UNC79: variants seen among roughly 807,000 people sequenced by gnomAD.
UNC79 encodes the protein protein unc-79 homolog.
A neutral mutation model predicts 283.1 loss-of-function variants in UNC79; 37 were observed. The observed-to-expected ratio is 0.13, with a 90% CI of 0.10 to 0.17. UNC79 has a LOEUF of 0.17. Among genes scored for constraint, UNC79 ranks in the 10% least tolerant of loss-of-function variants. The pLI is 1.00. For synonymous variants in UNC79, 1,107 were observed against 1,200.2 expected (o/e 0.92, Z 1.61); for missense variants, 2,272 against 3,211.1 (o/e 0.71, Z 7.07).
At chr14:93,699,624 T>C (rs1327889487) in intron 47 of UNC79, among the ~76,000 whole-genome samples, 1 of 152,186 alleles carries the variant, frequency 6.6e-6, no homozygotes, top group Non-Finnish European at 1.5e-5. Context: ...ATATTTTTAA[T>C]CACAGTCTGC....
At chr14:93,556,303 G>A (rs1332967847) in intron 14 of UNC79, among the ~76,000 whole-genome samples, 43 of 152,112 alleles carry the variant, frequency 2.8e-4, no homozygotes, top group Non-Finnish European at 2.9e-5. Context: ...GTATCACCCT[G>A]TGGTAATAGC....
intron 6 of UNC79, among the ~76,000 whole-genome samples, chr14:93,496,833 A>G (rs558879382): frequency 6.6e-6 from 1 of 152,290 alleles, no homozygotes; most frequent in Non-Finnish European, 1.5e-5. Context: ...GTTTTTTCAA[A>G]TATGGTATTT....
rs920315378 is a variant in UNC79 at position 93,474,672 on chromosome 14, G to A, written c.448+279G>A. Among the ~76,000 whole-genome samples, 2 of 152,148 alleles carry A rather than the reference G, an allele frequency of 1.3e-5. No individual in the cohort carries two copies. The highest frequency in any genetic ancestry group is 4.1e-4 in the South Asian group (2 of 4,826). ...AACAAGAAATTTTCTCTTCTTTCCT[G>A]ATCAGTTATCATGAGGACTCTTGTT... On this transcript the variant is annotated intron_variant, in intron 3 of 48. Transcript: ENST00000555664. This position sits in a 1 kb window ranked among gnomAD's most constrained non-coding sequence, Gnocchi z 4.1.
In UNC79 at chr14:93,491,558, T is replaced by A. The variant is rs576412175; in HGVS notation, c.712+3803T>A. Among the ~76,000 whole-genome samples the A allele has an allele frequency of 9.3e-4, 141 of 152,236 alleles. 1 individual carries two copies. In the Middle Eastern group the frequency reaches 0.031, roughly 33 times the overall value. On this transcript the variant is annotated intron_variant, in intron 5 of 48. Coordinates refer to ENST00000555664, the Ensembl canonical transcript of UNC79. ...TTGCCAGTTAGTGAACTTGAGCAAG[T>A]TTTTTACCCCCTGAAACCAAGTGTC... is the stretch of plus-strand genomic sequence containing the variant.
At chr14:93,654,877 C>T (rs372059845) in intron 37 of UNC79, among the ~76,000 whole-genome samples, 1 of 152,116 alleles carries the variant, frequency 6.6e-6, no homozygotes, top group Non-Finnish European at 1.5e-5. Flanking sequence ...GGGAGATGCT[C>T]ACTGCTAGAA....
intron 1 of UNC79, among the ~76,000 whole-genome samples, chr14:93,461,858 G>A (rs911071409): frequency 6.6e-6 from 1 of 151,912 alleles, no homozygotes; most frequent in Admixed American, 6.6e-5. Flanking sequence ...AATGAGGAAG[G>A]GACACTTAAA....
At chr14:93,578,422 A>T (rs909437465) in intron 18 of UNC79, among the ~76,000 whole-genome samples, 8 of 152,224 alleles carry the variant, frequency 5.3e-5, no homozygotes, top group Non-Finnish European at 1.0e-4. Flanking sequence ...ATTGATTTTT[A>T]AAATTAATTT....
chr14:93,499,766 G>A (rs1446225995), intron 7 of UNC79, among the ~76,000 whole-genome samples: 8 of 152,198 alleles, frequency 5.3e-5, no homozygotes, highest in Admixed American at 4.6e-4. Context: ...TAACCTCAAC[G>A]GGATGTGGGC....
intron 40 of UNC79, among the ~76,000 whole-genome samples, chr14:93,667,693 G>T (rs763366207): frequency 4.6e-5 from 7 of 152,128 alleles, no homozygotes; most frequent in Non-Finnish European, 7.4e-5. Context: ...CATGAGGCCA[G>T]TAGAATTTTG....
chr14:93,688,952 T>G lies in UNC79; in HGVS notation c.7085+112T>G. The G allele has an allele frequency of 8.5e-7, 1 of 1,175,732 alleles. No homozygotes were observed. The highest frequency in any genetic ancestry group is 1.2e-6 in the Non-Finnish European group (1 of 865,700). The allele number at this position is 1,175,732 out of a possible 1,614,324, so 72.8% of individuals were successfully genotyped here. On this transcript the variant is annotated intron_variant, in intron 44 of 48. Transcript: ENST00000555664. This position sits in a 1 kb window ranked among gnomAD's most constrained non-coding sequence, Gnocchi z 4.0. ...ACACCGAAGATTTATGACAGTGGAA[T>G]ATACTTGGTTAGGAAGATGGAAATC...
chr14:93,594,991 A>G (rs1248195118), intron 23 of UNC79, among the ~76,000 whole-genome samples: 2 of 151,968 alleles, frequency 1.3e-5, no homozygotes, highest in South Asian at 2.1e-4. Flanking sequence ...TAGTTAGTAT[A>G]TATATATGAC....
chr14:93,598,647 G>A (rs904627154), intron 24 of UNC79, among the ~76,000 whole-genome samples: 3 of 152,038 alleles, frequency 2.0e-5, no homozygotes, highest in Non-Finnish European at 2.9e-5. Flanking sequence ...TTAGTCTCCC[G>A]AATAGCTGGG....
intron 1 of UNC79, among the ~76,000 whole-genome samples, chr14:93,422,985 C>A (rs538455029): frequency 1.4e-5 from 2 of 145,276 alleles, no homozygotes; most frequent in South Asian, 4.3e-4. Flanking sequence ...ATGGCGTGCA[C>A]CTGGGAGGTG....
intron 27 of UNC79, among the ~76,000 whole-genome samples, 154 bp from the exon 29 acceptor site, chr14:93,616,968 C>T (rs746199234): frequency 2.5e-4 from 38 of 152,140 alleles, no homozygotes; most frequent in Non-Finnish European, 4.6e-4. Context: ...CTCCTTCTTG[C>T]GTACTAGCCA....
chr14:93,674,019 C>CA (rs1416525343), intron 41 of UNC79, among the ~76,000 whole-genome samples: 1 of 152,146 alleles, frequency 6.6e-6, no homozygotes, highest in Non-Finnish European at 1.5e-5. Flanking sequence ...GAACTGGCAA[C>CA]AATTATGCTT....
chr14:93,613,211 G>A (rs2066433188), intron 27 of UNC79, 128 bp downstream of exon 28: 1 of 1,200,514 alleles, frequency 8.3e-7, no homozygotes, highest in Non-Finnish European at 1.2e-6. Flanking sequence ...TTATGCAGGA[G>A]TATGTGGAGG....
At chr14:93,400,854 A>T (rs1293780225) in intron 1 of UNC79, among the ~76,000 whole-genome samples, 6 of 152,196 alleles carry the variant, frequency 3.9e-5, no homozygotes, top group Admixed American at 3.9e-4. Context: ...GAAAGAAAGA[A>T]ATGAATTCAG....
chr14:93,547,266 A>G (rs1269757456), intron 14 of UNC79, among the ~76,000 whole-genome samples: 3 of 152,244 alleles, frequency 2.0e-5, no homozygotes, highest in African/African-American at 7.2e-5. Context: ...TACAAATGTA[A>G]CCTAAGGACA....
intron 19 of UNC79, 103 bp downstream of exon 19, chr14:93,580,479 TG>T (rs1291206860): frequency 8.6e-7 from 1 of 1,167,092 alleles, no homozygotes; most frequent in Non-Finnish European, 1.2e-6. Context: ...TACTCCATGC[TG>T]GGTTATACGT....
Sources: gnomAD v4.1 joint callset for allele counts (sites outside exome capture counted in the v4.1 genomes callset) on GRCh38, gnomAD v4.1.1 for gene constraint, Gnocchi (gnomAD v3.1) non-coding constraint, MANE v1.5 for transcripts, NCBI Gene and HGNC (gene_info 2026-07-23, HGNC 2026-07-21) for gene names.